Variants in CCDC187 observed in about 807,000 individuals in gnomAD.
CCDC187 encodes coiled-coil domain containing 187, also known as coiled-coil domain-containing protein 187.
Under a neutral mutation model 38.0 loss-of-function variants are expected in CCDC187, and 32 were observed. The observed-to-expected ratio is 0.84, with a 90% CI of 0.64 to 1.13. The LOEUF is 1.13. Among genes scored for constraint, CCDC187 ranks in the 50% most tolerant of loss-of-function variants. CCDC187 has a pLI of 0.00. For synonymous variants in CCDC187, 333 were observed against 347.9 expected, an observed-to-expected ratio of 0.96 and a Z score of 0.48; for missense variants, 707 against 786.8, an observed-to-expected ratio of 0.90 and a Z score of 1.21.
At chr9:136,272,576 A>G (rs190364272) in intron 14 of CCDC187, among the ~76,000 whole-genome samples, 1 of 152,144 alleles carries the variant, frequency 6.6e-6, no homozygotes, top group African/African-American at 2.4e-5. Flanking sequence ...GGTGGTGCAC[A>G]CTTGTAATCC....
At chr9:136,295,292 C>T (rs894516022) in intron 4 of CCDC187, among the ~76,000 whole-genome samples, 2 of 152,222 alleles carry the variant, frequency 1.3e-5, no homozygotes, top group South Asian at 2.1e-4. Context: ...CCTGCCCGCC[C>T]GGCCCCTCCA....
chr9:136,262,373 G>T lies in CCDC187; in HGVS notation c.4002C>A (p.Cys1334Ter), dbSNP rs557325950. 5 of 986,892 alleles carry T rather than the reference G, an allele frequency of 5.1e-6. No individual in the cohort carries two copies. The highest frequency in any genetic ancestry group is 3.6e-6 in the Non-Finnish European group (3 of 831,062). 61.1% of individuals were successfully genotyped at this position (986,892 alleles called of 1,614,324 possible). The change falls in exon 19 of 26, where the codon TGC becomes TGA. Residue 1334 changes from cysteine to a stop codon, truncating the protein, a stop_gained. Coordinates refer to ENST00000638797, the MANE Select transcript of CCDC187 (RefSeq NM_001378188.1). LOFTEE classifies it high-confidence loss of function. ...GATGGCTGGTGGAGCTGCTGGGCCT[G>T]CATGGGGTCAGGGGACACAGGGAGG... ...PEASLCPLTP[C>*]RPSSSTSHRP...
intron 4 of CCDC187, among the ~76,000 whole-genome samples, 159 bp downstream of exon 4, chr9:136,297,555 C>A (rs982698656): frequency 1.8e-4 from 27 of 152,228 alleles, no homozygotes; most frequent in Non-Finnish European, 2.8e-4. Flanking sequence ...ACGCTCCAGC[C>A]GGGCCTGCCG....
chr9:136,262,640 C>A (rs75582031), intron 18 of CCDC187, among the ~76,000 whole-genome samples, 178 bp from the exon 19 acceptor site: 5,588 of 152,276 alleles, frequency 0.037, 297 homozygotes, highest in East Asian at 0.22. Context: ...GGGTCCTGCA[C>A]CCCCACTGAG....
At chr9:136,288,342 C>A (rs951024468) in intron 7 of CCDC187, among the ~76,000 whole-genome samples, 32 of 152,100 alleles carry the variant, frequency 2.1e-4, no homozygotes, top group African/African-American at 7.5e-4. Context: ...GGGGTCGGGT[C>A]CTGCAGAGAG....
chr9:136,303,475 A>C (rs1831740109), intron 1 of CCDC187, among the ~76,000 whole-genome samples, 182 bp from the exon 2 acceptor site: 3 of 152,040 alleles, frequency 2.0e-5, no homozygotes, highest in Non-Finnish European at 4.4e-5. Context: ...CCCTGACCAC[A>C]CCCCTCTGAG....
chr9:136,294,196 G>A (rs1258821459), intron 4 of CCDC187, among the ~76,000 whole-genome samples: 1 of 135,934 alleles, frequency 7.4e-6, no homozygotes, highest in Admixed American at 7.4e-5. Flanking sequence ...GCCCTCACAT[G>A]TGCTCTCACA....
intron 6 of CCDC187, 28 bp downstream of exon 6, chr9:136,290,458 G>GT (rs1831294156): frequency 2.3e-5 from 9 of 398,148 alleles, no homozygotes; most frequent in Middle Eastern, 6.3e-4. Flanking sequence ...GCTGAGCCGA[G>GT]TCCCCCCAAC....
In CCDC187 at chr9:136,291,038, G is replaced by A. The variant is rs1831313907; in HGVS notation, c.1575C>T (p.Ser525=). The change falls in exon 6 of 26, where the codon AGC becomes AGT. Residue 525 remains serine, a synonymous_variant. Coordinates refer to ENST00000638797, the MANE Select transcript of CCDC187 (RefSeq NM_001378188.1). ...CACTCCAGGGCTGCTGGGGGAAGGG[G>A]CTCCGCTTTTCAGGGGGGCTCCCAG... ...QRPGSPPEKR[S]PFPQQPWSAV... 1.0e-5 allele frequency: 4 copies of A among 398,770 alleles called. No individual in the cohort carries two copies. Among genetic ancestry groups the A allele is most frequent in the Non-Finnish European group, 1.8e-5 (4 of 226,186 alleles). The allele number at this position is 398,770 out of a possible 1,614,324, so 24.7% of individuals were successfully genotyped here. A position where few individuals can be genotyped will look rare whatever the true frequency, so the allele number is the denominator to read the frequency against.
chr9:136,253,782 G>T lies in CCDC187; in HGVS notation c.6046C>A (p.Pro2016Thr). The change falls in exon 26 of 26, where the codon CCT becomes ACT. Residue 2016 changes from proline (P) to threonine (T), a missense_variant. Coordinates refer to ENST00000638797, the MANE Select transcript of CCDC187 (RefSeq NM_001378188.1). Reference sequence around the variant, plus strand: ...TCACTCTGTGCTTGGGGAGTGGGAGGAGGTGGGGGTAGGGGGGCCTCCCTG... The same window carrying T: ...TCACTCTGTGCTTGGGGAGTGGGAGTAGGTGGGGGTAGGGGGGCCTCCCTG... ...IHREAPLPPP[P>T]PTPQAQSDGE... The T allele has an allele frequency of 1.0e-6, 1 of 985,560 alleles. No homozygotes were observed. Among genetic ancestry groups the T allele is most frequent in the Non-Finnish European group, 1.2e-6 (1 of 829,960 alleles). The allele number at this position is 985,560 out of a possible 1,614,324, so 61.1% of individuals were successfully genotyped here.
chr9:136,287,830 CAT>C (rs2131290096), intron 7 of CCDC187, among the ~76,000 whole-genome samples: 1 of 152,122 alleles, frequency 6.6e-6, no homozygotes, highest in East Asian at 1.9e-4. Context: ...GTTAGTGTTT[CAT>C]GGGGACAGAG....
Position 136,258,510 on chromosome 9 carries a change from G to T in CCDC187, c.4366+422C>A, listed in dbSNP as rs934318323. ...TGACACTGTGAGTGCATCTGCTCCC[G>T]CCCCACCTGCAAATTGGGGACTTGG... is the stretch of plus-strand genomic sequence containing the variant. On this transcript the variant is annotated intron_variant, in intron 22 of 25. Coordinates refer to ENST00000638797, the MANE Select transcript of CCDC187 (RefSeq NM_001378188.1). The surrounding 1 kb of genome is among the most constrained non-coding windows in gnomAD (Gnocchi z 4.3). Among the ~76,000 whole-genome samples, 2 of 151,656 alleles carry T rather than the reference G, an allele frequency of 1.3e-5. No individual in the cohort carries two copies. Among genetic ancestry groups the T allele is most frequent in the African/African-American group, 4.8e-5 (2 of 41,288 alleles).
rs929373498 is a variant in CCDC187, at chr9:136,265,867, T to C, written c.3735+89A>G. Reference sequence around the variant, plus strand: ...CTTGGGAATTCTTTAGCTCTGTTGCTGGGGAATGTTCAGATTCCAGGCAAG... The same window carrying C: ...CTTGGGAATTCTTTAGCTCTGTTGCCGGGGAATGTTCAGATTCCAGGCAAG... On this transcript the variant is annotated intron_variant, in intron 17 of 25. Coordinates refer to ENST00000638797, the MANE Select transcript of CCDC187 (RefSeq NM_001378188.1). 2.2e-5 allele frequency: 14 copies of C among 638,464 alleles called. No homozygotes were observed. The South Asian group carries it at 9.7e-4, about 44-fold the overall frequency. 39.5% of individuals were successfully genotyped at this position (638,464 alleles called of 1,614,324 possible).
At position 136,286,615 on chromosome 9, in the gene CCDC187, C is replaced by T. The variant is rs1393935853; in HGVS notation, c.2303G>A (p.Arg768Gln). 4 of 398,624 alleles carry T rather than the reference C, an allele frequency of 1.0e-5. No homozygotes were observed. The highest frequency in any genetic ancestry group is 2.1e-5 in the African/African-American group (1 of 48,624). 24.7% of individuals were successfully genotyped at this position (398,624 alleles called of 1,614,324 possible). ...PPGMGGPQDG[R>Q]DAPVLLSASP... Reference sequence around the variant, plus strand: ...AGCTGACAGCAGCACGGGGGCATCCCGGCCATCTTGGGGGCCCCCCATCCC... The same window carrying T: ...AGCTGACAGCAGCACGGGGGCATCCTGGCCATCTTGGGGGCCCCCCATCCC... Residue 768 changes from arginine (R) to glutamine (Q), a missense_variant, in exon 8 of 26, where the codon CGG becomes CAG. Physicochemically the swap from Arg to Gln is conservative, Grantham distance 43. Coordinates refer to ENST00000638797, the MANE Select transcript of CCDC187 (RefSeq NM_001378188.1).
Position 136,290,551 on chromosome 9 carries a change from C to A in CCDC187, c.2062G>T (p.Val688Phe). 2.5e-6 allele frequency: 1 copy of A among 398,976 alleles called. No individual in the cohort carries two copies. Among genetic ancestry groups the A allele is most frequent in the Non-Finnish European group, 4.4e-6 (1 of 226,348 alleles). The allele number at this position is 398,976 out of a possible 1,614,324, so 24.7% of individuals were successfully genotyped here. A position where few individuals can be genotyped will look rare whatever the true frequency, so the allele number is the denominator to read the frequency against. Residue 688 changes from valine to phenylalanine, a missense_variant, in exon 6 of 26, where the codon GTC becomes TTC. Transcript: ENST00000638797. ...QQREAVLGRA[V>F]PVVSRTTPGI... Reference sequence around the variant, plus strand: ...GGGGTGGTCCGGGAGACCACGGGGACCGCCCTGCCGAGGACGGCCTCCCTC... The same window carrying A: ...GGGGTGGTCCGGGAGACCACGGGGAACGCCCTGCCGAGGACGGCCTCCCTC...
At chr9:136,276,992 T>G (rs1170453993) in intron 10 of CCDC187, among the ~76,000 whole-genome samples, 2 of 151,898 alleles carry the variant, frequency 1.3e-5, no homozygotes, top group East Asian at 4.0e-4. Flanking sequence ...ACCCACTGCA[T>G]CTCCTCGTCC....
chr9:136,253,830 C>A lies in CCDC187; in HGVS notation c.5998G>T (p.Ala2000Ser). The A allele has an allele frequency of 6.1e-6, 6 of 985,334 alleles. No homozygotes were observed. Among genetic ancestry groups the A allele is most frequent in the Non-Finnish European group, 7.2e-6 (6 of 829,902 alleles). 61.0% of individuals were successfully genotyped at this position (985,334 alleles called of 1,614,324 possible). A position where few individuals can be genotyped will look rare whatever the true frequency, so the allele number is the denominator to read the frequency against. The change falls in exon 26 of 26, where the codon GCC becomes TCC. Residue 2000 changes from alanine (A) to serine (S), a missense_variant. By Grantham distance (99) the Ala-to-Ser change is moderately conservative. Coordinates refer to ENST00000638797, the MANE Select transcript of CCDC187 (RefSeq NM_001378188.1). ...PVDELLSYGS[A>S]DLPSSIHREA... Reference sequence around the variant, plus strand: ...CTGTGGATGGAGGACGGGAGGTCGGCACTGCCGTAGGACAGCAACTCGTCC... The same window carrying A: ...CTGTGGATGGAGGACGGGAGGTCGGAACTGCCGTAGGACAGCAACTCGTCC...
intron 4 of CCDC187, among the ~76,000 whole-genome samples, chr9:136,293,539 TCA>T (rs1394226667): frequency 6.8e-6 from 1 of 147,448 alleles, no homozygotes; most frequent in Non-Finnish European, 1.5e-5. Flanking sequence ...GCTTACACAC[TCA>T]CACTGACATG....
intron 9 of CCDC187, among the ~76,000 whole-genome samples, chr9:136,284,973 C>T (rs1831139297): frequency 6.6e-6 from 1 of 152,062 alleles, no homozygotes. Context: ...GCAGATGCTC[C>T]CCCAGGGGGA....
Sources: allele counts gnomAD v4.1 joint callset (sites outside exome capture counted in the v4.1 genomes callset), GRCh38; gene constraint gnomAD v4.1.1; non-coding constraint Gnocchi (gnomAD v3.1); transcripts MANE v1.5; gene names NCBI Gene and HGNC (gene_info 2026-07-23, HGNC 2026-07-21).